The following CD163L1 variants were observed in gnomAD, a reference collection of about 807,000 sequenced individuals.
The protein encoded by CD163L1 is scavenger receptor cysteine-rich type 1 protein M160.
A neutral mutation model predicts 165.4 loss-of-function variants in CD163L1; 124 were observed. That is an observed-to-expected ratio of 0.75 (90% CI 0.65 to 0.87). The LOEUF is 0.87. Among genes scored for constraint, CD163L1 ranks in the 40% least tolerant of loss-of-function variants. The pLI, the probability that CD163L1 is intolerant of heterozygous loss-of-function variation, is 0.00. For missense variants in CD163L1, 1,525 were observed against 1,799.9 expected, an observed-to-expected ratio of 0.85 and a Z score of 2.76; for synonymous variants, 585 against 662.2, an observed-to-expected ratio of 0.88 and a Z score of 1.79.
chr12:7,322,074 G>T, the CD163L1 span, among the ~76,000 whole-genome samples: 1 of 152,166 alleles, frequency 6.6e-6, no homozygotes, highest in Non-Finnish European at 1.5e-5. Context: ...ACAACATAGC[G>T]ACTGATCAAT....
At chr12:7,375,259 A>T in intron 11 of CD163L1, 22 bp downstream of exon 11, 9 of 1,609,534 alleles carry the variant, frequency 5.6e-6, no homozygotes, top group African/African-American at 1.3e-5. Context: ...ACAGTAGTTA[A>T]CCATAAGCAC....
At chr12:7,434,258 A>G (rs891203918) in intron 2 of CD163L1, among the ~76,000 whole-genome samples, 3 of 152,188 alleles carry the variant, frequency 2.0e-5, no homozygotes, top group African/African-American at 7.2e-5. Flanking sequence ...CCATGATTGT[A>G]ATATGCTAGT....
chr12:7,380,417 A>ATGCG (rs1947374538), intron 8 of CD163L1, among the ~76,000 whole-genome samples: 2 of 151,084 alleles, frequency 1.3e-5, no homozygotes, highest in South Asian at 2.1e-4. Context: ...ATGTGTGTAT[A>ATGCG]TATATACACA....
intron 4 of CD163L1, among the ~76,000 whole-genome samples, chr12:7,409,244 AAAGT>A (rs755488815): frequency 6.6e-6 from 1 of 152,298 alleles, no homozygotes; most frequent in East Asian, 1.9e-4. Flanking sequence ...ATCTCCTCAT[AAAGT>A]AAGTTTTATT....
chr12:7,438,455 A>C (rs1203913115), intron 2 of CD163L1, among the ~76,000 whole-genome samples: 1 of 152,216 alleles, frequency 6.6e-6, no homozygotes, highest in African/African-American at 2.4e-5. Context: ...GAAATGACCA[A>C]GCAGGATGTG....
At chr12:7,388,560 C>T (rs182556478) in intron 8 of CD163L1, among the ~76,000 whole-genome samples, 31 of 151,940 alleles carry the variant, frequency 2.0e-4, no homozygotes, top group Non-Finnish European at 3.5e-4. Context: ...CTGGGCAACA[C>T]GGTGAAACCC....
At chr12:7,351,280 C>T (rs116695739), downstream of CD163L1, among the ~76,000 whole-genome samples, 343 of 152,104 alleles carry the variant, frequency 2.3e-3, 2 homozygotes, top group African/African-American at 8.0e-3. Flanking sequence ...GAGATGAGTA[C>T]GTCTTAGCTT....
rs151169571 is a variant in CD163L1 at position 7,420,902 on chromosome 12, T to C, written c.766+11514A>G. 2.7e-5 allele frequency among the ~76,000 whole-genome samples: 4 copies of C among 149,460 alleles called. No individual in the cohort carries two copies. The East Asian group carries it at 7.9e-4, about 29-fold the overall frequency. On this transcript the variant is annotated intron_variant, in intron 4 of 19. Coordinates refer to ENST00000313599, the MANE Select transcript of CD163L1 (RefSeq NM_174941.6). ...TGAAAAAGGTATTTGCACATGCATG[T>C]TTATAGCAGCACAATTTGCAATTGC...
the CD163L1 span, chr12:7,322,341 C>T: frequency 6.3e-7 from 1 of 1,591,880 alleles, no homozygotes; most frequent in Non-Finnish European, 8.6e-7. Context: ...ATGCTTACTG[C>T]TTGAATGTCC....
chr12:7,407,567 T>C (rs1427554749), intron 4 of CD163L1, among the ~76,000 whole-genome samples: 1 of 151,262 alleles, frequency 6.6e-6, no homozygotes, highest in Non-Finnish European at 1.5e-5. Flanking sequence ...ACTACGTATA[T>C]GTATCATATG....
At chr12:7,331,642 C>T in the CD163L1 span, among the ~76,000 whole-genome samples, 2 of 152,192 alleles carry the variant, frequency 1.3e-5, no homozygotes, top group African/African-American at 4.8e-5. Flanking sequence ...CGCTGTTCTG[C>T]AGCCACCGCT....
chr12:7,397,159 C>G (rs991123545), intron 7 of CD163L1, among the ~76,000 whole-genome samples: 22 of 152,140 alleles, frequency 1.4e-4, no homozygotes, highest in Admixed American at 7.9e-4. Flanking sequence ...CAAATACTTA[C>G]AGTAGGCAAA....
chr12:7,349,627 G>A (rs944324020), intron 4 of CD163L1, among the ~76,000 whole-genome samples: 1 of 152,166 alleles, frequency 6.6e-6, no homozygotes, highest in Non-Finnish European at 1.5e-5. Flanking sequence ...CACACCAAAC[G>A]ATCTGACTCA....
At chr12:7,442,355 C>T (rs1039128403) in intron 1 of CD163L1, among the ~76,000 whole-genome samples, 4 of 152,156 alleles carry the variant, frequency 2.6e-5, no homozygotes, top group Admixed American at 6.5e-5. Flanking sequence ...GCTTGGGCTA[C>T]GCAAAAGCAG....
At chr12:7,424,624 G>A (rs1948507609) in intron 4 of CD163L1, among the ~76,000 whole-genome samples, 1 of 152,156 alleles carries the variant, frequency 6.6e-6, no homozygotes, top group African/African-American at 2.4e-5. Context: ...AAGCTGATAA[G>A]CAACTTCAGC....
At chr12:7,415,110 T>C (rs1362336468) in intron 4 of CD163L1, among the ~76,000 whole-genome samples, 3 of 152,126 alleles carry the variant, frequency 2.0e-5, no homozygotes, top group Non-Finnish European at 4.4e-5. Context: ...CTTAAAAGCA[T>C]TAAGCAACTA....
downstream of CD163L1, among the ~76,000 whole-genome samples, chr12:7,346,277 T>C (rs1018292655): frequency 2.0e-4 from 31 of 152,144 alleles, no homozygotes; most frequent in African/African-American, 7.2e-4. Context: ...TTCTTTTTTA[T>C]TCCATTTTAT....
At chr12:7,331,046 G>A in the CD163L1 span, among the ~76,000 whole-genome samples, 1 of 152,310 alleles carries the variant, frequency 6.6e-6, no homozygotes, top group Middle Eastern at 3.4e-3. Flanking sequence ...TGAAAGAAAG[G>A]GGTGACGGAT....
In CD163L1 at chr12:7,433,403, T is replaced by C; in HGVS notation, c.416A>G (p.His139Arg). 1 of 1,602,950 alleles carries C rather than the reference T, an allele frequency of 6.2e-7. No homozygotes were observed. The highest frequency in any genetic ancestry group is 8.5e-7 in the Non-Finnish European group (1 of 1,174,318). The change falls in exon 3 of 20, where the codon CAT (histidine) becomes CGT (arginine). Residue 139 changes from histidine (H) to arginine (R), a missense_variant. Physicochemically the swap from His to Arg is conservative, Grantham distance 29. Transcript: ENST00000313599. ...ACAGTTCACACCAACATCTTCTCCA[T>C]GATAACAGTTATGGCTTCCCCATTC... ...HREWGSHNCY[H>R]GEDVGVNCYG...
Sources: allele counts gnomAD v4.1 joint callset (sites outside exome capture counted in the v4.1 genomes callset), GRCh38; gene constraint gnomAD v4.1.1; transcripts MANE v1.5; gene names NCBI Gene and HGNC (gene_info 2026-07-23, HGNC 2026-07-21).